Variants in TENM2 observed in about 807,000 individuals in gnomAD.
The protein encoded by TENM2 is teneurin transmembrane protein 2.
Under a neutral mutation model 245.2 loss-of-function variants are expected in TENM2, and 52 were observed. The ratio of observed to expected loss-of-function variants is 0.21; its 90% CI spans 0.17 to 0.27. The LOEUF (loss-of-function observed/expected upper bound fraction) is 0.27. Ranked by LOEUF, TENM2 falls within the 10% of genes least tolerant of loss-of-function variation. The pLI, the probability that TENM2 is intolerant of heterozygous loss-of-function variation, is 1.00. For missense variants in TENM2, 3,046 were observed against 3,666.8 expected (o/e 0.83, Z 4.37); for synonymous variants, 1,363 against 1,438.9 (o/e 0.95, Z 1.19).
chr5:167,769,327 C>A (rs1763247748), intron 2 of TENM2, among the ~76,000 whole-genome samples: 3 of 152,194 alleles, frequency 2.0e-5, no homozygotes, highest in Admixed American at 2.0e-4. Context: ...CATCCTCACT[C>A]ACTCTGGTCA....
chr5:167,066,411 A>G, the TENM2 span, among the ~76,000 whole-genome samples: 8 of 152,126 alleles, frequency 5.3e-5, no homozygotes, highest in African/African-American at 1.9e-4. Flanking sequence ...TGTAAGTTTT[A>G]GGGTACATGT....
At chr5:167,606,575 T>C (rs1037781963) in intron 2 of TENM2, among the ~76,000 whole-genome samples, 1 of 152,070 alleles carries the variant, frequency 6.6e-6, no homozygotes, top group African/African-American at 2.4e-5. Flanking sequence ...ACATATGAAT[T>C]TGGGGAAAGC....
intron 1 of TENM2, among the ~76,000 whole-genome samples, chr5:167,315,181 A>C (rs950732591): frequency 1.3e-5 from 2 of 152,164 alleles, no homozygotes; most frequent in Admixed American, 6.5e-5. Context: ...AAACATTATC[A>C]AACTGCTTAT....
intron 2 of TENM2, among the ~76,000 whole-genome samples, chr5:167,410,028 T>G (rs775210580): frequency 6.6e-6 from 1 of 152,052 alleles, no homozygotes; most frequent in African/African-American, 2.4e-5. Context: ...TTCATTATGA[T>G]GTAGCTTCAT....
At chr5:167,942,802 C>CCAGTA (rs1779294567) in intron 3 of TENM2, among the ~76,000 whole-genome samples, 1 of 152,142 alleles carries the variant, frequency 6.6e-6, no homozygotes, top group Non-Finnish European at 1.5e-5. Context: ...AACTCCAAGA[C>CCAGTA]AACTTTGAAA....
At chr5:167,117,879 A>G in the TENM2 span, among the ~76,000 whole-genome samples, 1 of 149,734 alleles carries the variant, frequency 6.7e-6, no homozygotes. Flanking sequence ...TCCCCATGAG[A>G]CAAAAATCAA....
chr5:167,205,299 T>A, the TENM2 span, among the ~76,000 whole-genome samples: 1 of 152,188 alleles, frequency 6.6e-6, no homozygotes, highest in African/African-American at 2.4e-5. Context: ...GAGAATCGCT[T>A]GGACCTGGGA....
At chr5:168,077,758 C>T (rs1162387496) in intron 7 of TENM2, among the ~76,000 whole-genome samples, 4 of 152,278 alleles carry the variant, frequency 2.6e-5, no homozygotes, top group East Asian at 3.9e-4. Context: ...GACATGAACT[C>T]ATCATTTTTT....
rs548704712 is a variant in TENM2, at chr5:167,934,140, T to A, written c.713-18448T>A. On this transcript the variant is annotated intron_variant, in intron 3 of 28. Coordinates refer to ENST00000518659, the Ensembl canonical transcript of TENM2. ...GGACTGATTCCCCCAGAACACATAT[T>A]ATCATGGACAGCTTTCTTTGGTTAG... 3.3e-5 allele frequency among the ~76,000 whole-genome samples: 5 copies of A among 152,324 alleles called. 1 individual carries two copies. Among genetic ancestry groups the A allele is most frequent in the African/African-American group, 1.2e-4 (5 of 41,574 alleles).
chr5:167,058,503 T>C, the TENM2 span, among the ~76,000 whole-genome samples: 1 of 152,330 alleles, frequency 6.6e-6, no homozygotes, highest in South Asian at 2.1e-4. Flanking sequence ...TTATGCCTGT[T>C]ATCCCAGCAC....
chr5:167,414,850 A>G (rs989489378), intron 2 of TENM2, among the ~76,000 whole-genome samples: 1 of 152,176 alleles, frequency 6.6e-6, no homozygotes, highest in African/African-American at 2.4e-5. Flanking sequence ...AGCAAGAGTT[A>G]TCCTTTCTGT....
intron 2 of TENM2, among the ~76,000 whole-genome samples, chr5:167,457,778 C>A (rs912633068): frequency 6.6e-6 from 1 of 152,214 alleles, no homozygotes; most frequent in Non-Finnish European, 1.5e-5. Flanking sequence ...AAAACAATGA[C>A]AACATTTCTG....
chr5:168,096,200 T>C (rs538995548), intron 8 of TENM2, among the ~76,000 whole-genome samples: 21 of 152,294 alleles, frequency 1.4e-4, no homozygotes, highest in Non-Finnish European at 2.8e-4. Flanking sequence ...AGGCAGTCAA[T>C]GCCTGTGCTC....
At chr5:167,061,723 C>T in the TENM2 span, among the ~76,000 whole-genome samples, 1 of 152,044 alleles carries the variant, frequency 6.6e-6, no homozygotes, top group South Asian at 2.1e-4. Flanking sequence ...TTACACAATC[C>T]CTATTGGTAA....
At chr5:167,734,577 C>G (rs1342657340) in intron 2 of TENM2, among the ~76,000 whole-genome samples, 1 of 151,564 alleles carries the variant, frequency 6.6e-6, no homozygotes, top group Non-Finnish European at 1.5e-5. Flanking sequence ...TTTTATCCTT[C>G]TTGTGCCAAA....
At chr5:167,171,332 T>A in the TENM2 span, among the ~76,000 whole-genome samples, 1 of 152,204 alleles carries the variant, frequency 6.6e-6, no homozygotes, top group East Asian at 1.9e-4. Flanking sequence ...ATTTTATCAG[T>A]GAAGTCCTTC....
intron 7 of TENM2, among the ~76,000 whole-genome samples, chr5:168,084,022 G>T (rs753743377): frequency 2.0e-4 from 30 of 152,114 alleles, no homozygotes; most frequent in Non-Finnish European, 3.5e-4. Flanking sequence ...TGTAGTGTTT[G>T]GTCTTCTGTT....
At chr5:168,057,310 A>AACACAC (rs112117017) in intron 6 of TENM2, among the ~76,000 whole-genome samples, 23,109 of 148,908 alleles carry the variant, frequency 0.16, 1,847 homozygotes, top group South Asian at 0.23. Flanking sequence ...CGCCTCGCCC[A>AACACAC]ACACACACAC....
chr5:167,524,760 A>G (rs1286471926), intron 2 of TENM2, among the ~76,000 whole-genome samples: 1 of 151,846 alleles, frequency 6.6e-6, no homozygotes, highest in African/African-American at 2.4e-5. Context: ...ACCCCAGGTC[A>G]TTGCTATTTT....
Sources: gnomAD v4.1 joint callset for allele counts (sites outside exome capture counted in the v4.1 genomes callset) on GRCh38, gnomAD v4.1.1 for gene constraint, MANE v1.5 for transcripts, NCBI Gene and HGNC (gene_info 2026-07-23, HGNC 2026-07-21) for gene names.